CCSER1: variants seen among roughly 807,000 people sequenced by gnomAD.
CCSER1 encodes serine-rich coiled-coil domain-containing protein 1.
CCSER1 carries 41 observed loss-of-function variants against 82.0 expected under a neutral mutation model. The ratio of observed to expected loss-of-function variants is 0.50; its 90% CI spans 0.39 to 0.65. CCSER1 has a LOEUF of 0.65. Among genes scored for constraint, CCSER1 ranks in the 30% least tolerant of loss-of-function variants. The pLI is 0.00. For synonymous variants in CCSER1, 414 were observed against 383.9 expected (o/e 1.08, Z -0.92); for missense variants, 1,119 against 1,064.2 (o/e 1.05, Z -0.72).
chr4:90,250,157 GAAT>G (rs1306021114), intron 1 of CCSER1, among the ~76,000 whole-genome samples: 1 of 151,950 alleles, frequency 6.6e-6, no homozygotes, highest in Admixed American at 6.6e-5. Context: ...TATGGTTTGC[GAAT>G]ATTTTCTTCC....
intron 1 of CCSER1, among the ~76,000 whole-genome samples, chr4:90,189,305 G>T (rs1008540922): frequency 6.6e-6 from 1 of 151,876 alleles, no homozygotes; most frequent in Non-Finnish European, 1.5e-5. Context: ...GGTCTGTAAT[G>T]AATCCCCAAC....
intron 1 of CCSER1, among the ~76,000 whole-genome samples, chr4:90,270,803 A>C (rs991788166): frequency 6.6e-6 from 1 of 152,182 alleles, no homozygotes; most frequent in Non-Finnish European, 1.5e-5. Context: ...TGTAGGATAC[A>C]AAATCAATAT....
rs572067284 is a variant in CCSER1, at chr4:91,075,830, T to C, written c.2173-10120T>C. ...TATTTCTTAGTTAGTTGGGGTGATA[T>C]TACAGTATGATTTTTTTTAAAGCAA... is the stretch of plus-strand genomic sequence containing the variant. On this transcript the variant is annotated intron_variant, in intron 9 of 10. Coordinates refer to ENST00000509176, the MANE Select transcript of CCSER1 (RefSeq NM_001145065.2). Among the ~76,000 whole-genome samples the C allele has an allele frequency of 5.9e-5, 9 of 152,222 alleles. No homozygotes were observed. The South Asian group carries it at 1.7e-3, about 28-fold the overall frequency.
At chr4:90,778,618 C>T (rs1753288937) in intron 7 of CCSER1, among the ~76,000 whole-genome samples, 1 of 151,304 alleles carries the variant, frequency 6.6e-6, no homozygotes, top group South Asian at 2.1e-4. Context: ...AGAGATTACA[C>T]ATTTTTTTCT....
intron 1 of CCSER1, among the ~76,000 whole-genome samples, chr4:90,279,010 A>G (rs1294704336): frequency 1.3e-5 from 2 of 152,094 alleles, no homozygotes; most frequent in African/African-American, 2.4e-5. Flanking sequence ...TACATAGCAT[A>G]TAAGCTGCCA....
intron 10 of CCSER1, among the ~76,000 whole-genome samples, chr4:91,103,880 T>A (rs1725338977): frequency 6.6e-6 from 1 of 152,182 alleles, no homozygotes; most frequent in South Asian, 2.1e-4. Context: ...CATATTTTTC[T>A]TGTTGCAGAG....
intron 4 of CCSER1, among the ~76,000 whole-genome samples, chr4:90,410,499 A>G (rs78700946): frequency 6.6e-6 from 1 of 152,242 alleles, no homozygotes; most frequent in Non-Finnish European, 1.5e-5. Flanking sequence ...GCTCAAGTAC[A>G]TGGAAACTGA....
At chr4:90,853,402 G>A (rs542322999) in intron 8 of CCSER1, among the ~76,000 whole-genome samples, 2 of 152,198 alleles carry the variant, frequency 1.3e-5, no homozygotes, top group South Asian at 2.1e-4. Flanking sequence ...ATTCGTTTTA[G>A]TGATTAATAA....
At chr4:90,603,853 C>G (rs758783684) in intron 5 of CCSER1, among the ~76,000 whole-genome samples, 30 of 152,246 alleles carry the variant, frequency 2.0e-4, no homozygotes, top group Non-Finnish European at 3.8e-4. Context: ...AGTTAGTACT[C>G]AAGTCTCCTT....
intron 6 of CCSER1, among the ~76,000 whole-genome samples, chr4:90,634,148 T>C (rs1332855006): frequency 6.6e-6 from 1 of 151,732 alleles, no homozygotes; most frequent in East Asian, 1.9e-4. Context: ...TCTATTCTCT[T>C]TATCAAACAA....
chr4:90,864,290 G>A (rs7698571), intron 8 of CCSER1, among the ~76,000 whole-genome samples: 3,151 of 151,918 alleles, frequency 0.021, 92 homozygotes, highest in African/African-American at 0.067. Context: ...TTGGATTTAG[G>A]TTATGCTATG....
At chr4:91,216,525 T>G (rs1304699317) in intron 10 of CCSER1, among the ~76,000 whole-genome samples, 1 of 152,148 alleles carries the variant, frequency 6.6e-6, no homozygotes, top group Non-Finnish European at 1.5e-5. Context: ...TTTCACCGTG[T>G]TAGCCAGGAT....
chr4:91,477,487 T>A (rs1018981303), intron 10 of CCSER1, among the ~76,000 whole-genome samples: 1 of 151,730 alleles, frequency 6.6e-6, no homozygotes, highest in Non-Finnish European at 1.5e-5. Flanking sequence ...CAATTTTTTT[T>A]ATTAATACTT....
At chr4:90,770,953 G>T (rs1306488244) in intron 7 of CCSER1, among the ~76,000 whole-genome samples, 2 of 152,114 alleles carry the variant, frequency 1.3e-5, no homozygotes, top group Non-Finnish European at 2.9e-5. Flanking sequence ...AGAAAAAACA[G>T]TTGTGATTTT....
At position 91,000,115 on chromosome 4, in the gene CCSER1, T is replaced by A. The variant is rs1737871785; in HGVS notation, c.2172+76668T>A. 2.0e-5 allele frequency among the ~76,000 whole-genome samples: 3 copies of A among 152,084 alleles called. No homozygotes were observed. In the South Asian group the frequency reaches 6.2e-4, roughly 31 times the overall value. On this transcript the variant is annotated intron_variant, in intron 9 of 10. Coordinates refer to ENST00000509176, the MANE Select transcript of CCSER1 (RefSeq NM_001145065.2). ...GACTGCAGGTGTGTGGCTTTATTTC[T>A]GAGTTATCTATTCTGTTCCATTGGT...
Position 91,261,027 on chromosome 4 carries a change from T to A in CCSER1, c.2217+175033T>A, listed in dbSNP as rs1206104878. Among the ~76,000 whole-genome samples the A allele has an allele frequency of 5.3e-5, 8 of 152,250 alleles. No individual in the cohort carries two copies. The East Asian group carries it at 1.2e-3, about 22-fold the overall frequency. ...ATCCGCCCTCCTCAGCCTCCCAAAGTGCTGAGATTACAGGCGTGGGCCACC... is the reference window on the plus strand; with the variant it reads ...ATCCGCCCTCCTCAGCCTCCCAAAGAGCTGAGATTACAGGCGTGGGCCACC... On this transcript the variant is annotated intron_variant, in intron 10 of 10. Transcript: ENST00000509176.
At chr4:91,439,099 C>T (rs13137946) in intron 10 of CCSER1, among the ~76,000 whole-genome samples, 6 of 152,066 alleles carry the variant, frequency 3.9e-5, no homozygotes, top group Admixed American at 1.3e-4. Flanking sequence ...TAGCAAGGCA[C>T]GCCAACATTC....
intron 9 of CCSER1, among the ~76,000 whole-genome samples, chr4:90,959,140 G>A (rs1733808642): frequency 6.6e-6 from 1 of 152,120 alleles, no homozygotes; most frequent in African/African-American, 2.4e-5. Context: ...CATCTCTGCT[G>A]TAAATTTTCT....
intron 10 of CCSER1, among the ~76,000 whole-genome samples, chr4:91,465,847 T>G (rs1756866603): frequency 6.6e-6 from 1 of 152,132 alleles, no homozygotes; most frequent in Non-Finnish European, 1.5e-5. Context: ...GCTCTGAAAT[T>G]TAGGCAATAA....
Sources: gnomAD v4.1 joint callset for allele counts (sites outside exome capture counted in the v4.1 genomes callset) on GRCh38, gnomAD v4.1.1 for gene constraint, MANE v1.5 for transcripts, NCBI Gene and HGNC (gene_info 2026-07-23, HGNC 2026-07-21) for gene names.